Variants in GMDS observed in about 807,000 individuals in gnomAD.
GMDS encodes GDP-mannose 4,6 dehydratase.
A neutral mutation model predicts 49.9 loss-of-function variants in GMDS; 20 were observed. That is an observed-to-expected ratio of 0.40 (90% CI 0.28 to 0.58). GMDS has a LOEUF of 0.58. Among genes scored for constraint, GMDS ranks in the 20% least tolerant of loss-of-function variants. GMDS has a pLI of 0.42. For missense variants in GMDS, 362 were observed against 481.4 expected, an observed-to-expected ratio of 0.75 and a Z score of 2.32; for synonymous variants, 177 against 178.6, an observed-to-expected ratio of 0.99 and a Z score of 0.07.
intron 1 of GMDS, among the ~76,000 whole-genome samples, chr6:2,162,863 G>A (rs182980439): frequency 6.6e-6 from 1 of 152,220 alleles, no homozygotes; most frequent in East Asian, 1.9e-4. Context: ...GTTCCCTCCT[G>A]CTCTCCAAGC....
intron 1 of GMDS, among the ~76,000 whole-genome samples, chr6:2,180,833 G>A (rs1385760422): frequency 6.6e-5 from 10 of 152,044 alleles, no homozygotes; most frequent in Non-Finnish European, 7.4e-5. Flanking sequence ...ACTTCATTAG[G>A]TATTTCCTCT....
In GMDS at chr6:1,742,540, A is replaced by G. The variant is rs1213384777; in HGVS notation, c.818T>C (p.Ile273Thr). 3.1e-6 allele frequency: 5 copies of G among 1,612,254 alleles called. No individual in the cohort carries two copies. Among genetic ancestry groups the G allele is most frequent in the Non-Finnish European group, 4.2e-6 (5 of 1,178,304 alleles). Reference protein sequence around the residue: ...LQNDEPEDFVIATGEVHSVRE... With the variant: ...LQNDEPEDFVTATGEVHSVRE... Reference sequence around the variant, plus strand: ...GACACTATGGACCTCCCCAGTAGCTATAACGAAGTCCTCCGGCTCATCATT... The same window carrying G: ...GACACTATGGACCTCCCCAGTAGCTGTAACGAAGTCCTCCGGCTCATCATT... Residue 273 changes from isoleucine (I) to threonine (T), a missense_variant, in exon 8 of 11, where the codon ATA becomes ACA. Coordinates refer to ENST00000380815, the MANE Select transcript of GMDS (RefSeq NM_001500.4).
intron 1 of GMDS, among the ~76,000 whole-genome samples, chr6:2,172,261 GATAAAA>G (rs1390334798): frequency 1.3e-5 from 2 of 151,930 alleles, no homozygotes; most frequent in Non-Finnish European, 2.9e-5. Context: ...ATCTCAAGAA[GATAAAA>G]ATAAAAGGAG....
chr6:2,223,927 G>A (rs1780707727), intron 1 of GMDS, among the ~76,000 whole-genome samples: 1 of 152,148 alleles, frequency 6.6e-6, no homozygotes, highest in Admixed American at 6.5e-5. Context: ...AGAGAGTCAG[G>A]AATGGTATGT....
intron 7 of GMDS, among the ~76,000 whole-genome samples, chr6:1,904,439 T>G (rs1561877487): frequency 6.6e-6 from 1 of 152,148 alleles, no homozygotes. Flanking sequence ...CAACAACTGA[T>G]AGTCCATTAA....
intron 7 of GMDS, among the ~76,000 whole-genome samples, chr6:1,893,866 T>G (rs574283872): frequency 4.6e-5 from 7 of 152,326 alleles, no homozygotes; most frequent in East Asian, 1.9e-4. Context: ...GCCATGAACC[T>G]TTTTACAAAA....
chr6:2,179,874 T>A (rs933776453), intron 1 of GMDS, among the ~76,000 whole-genome samples: 4 of 150,596 alleles, frequency 2.7e-5, no homozygotes, highest in Admixed American at 6.8e-5. Flanking sequence ...CATACAAATA[T>A]CCTGAAACAC....
intron 4 of GMDS, among the ~76,000 whole-genome samples, chr6:1,975,653 C>T (rs182547981): frequency 5.8e-4 from 88 of 152,284 alleles, no homozygotes; most frequent in Non-Finnish European, 1.0e-3. Context: ...TAGAAAGTCA[C>T]ATTAGGAATA....
At chr6:2,189,852 T>C (rs1015183960) in intron 1 of GMDS, among the ~76,000 whole-genome samples, 3 of 152,242 alleles carry the variant, frequency 2.0e-5, no homozygotes, top group African/African-American at 7.2e-5. Flanking sequence ...AGATCAATTC[T>C]GCTCAAACTT....
chr6:1,985,416 A>C (rs978377027), intron 4 of GMDS, among the ~76,000 whole-genome samples: 1 of 152,192 alleles, frequency 6.6e-6, no homozygotes, highest in Non-Finnish European at 1.5e-5. Flanking sequence ...TAATGTCAAG[A>C]AAGAACCAAT....
intron 9 of GMDS, among the ~76,000 whole-genome samples, chr6:1,670,370 GTT>G (rs371549673): frequency 1.9e-4 from 27 of 143,278 alleles, no homozygotes; most frequent in Admixed American, 1.1e-3. Context: ...GTTTTTTTTG[GTT>G]TTTTTTTTTT....
At chr6:1,829,595 T>C (rs1771264743) in intron 7 of GMDS, among the ~76,000 whole-genome samples, 1 of 152,202 alleles carries the variant, frequency 6.6e-6, no homozygotes, top group South Asian at 2.1e-4. Flanking sequence ...CACGCCACCA[T>C]GGCTGGCTAA....
chr6:1,781,860 T>TTC (rs1396050048), intron 7 of GMDS, among the ~76,000 whole-genome samples: 5 of 151,982 alleles, frequency 3.3e-5, no homozygotes, highest in African/African-American at 4.8e-5. Context: ...AACCAACTTT[T>TTC]TTTTTTTTTT....
intron 1 of GMDS, among the ~76,000 whole-genome samples, chr6:2,230,178 G>A (rs989480090): frequency 6.6e-6 from 1 of 152,100 alleles, no homozygotes; most frequent in Admixed American, 6.5e-5. Context: ...AAATCCAAAC[G>A]TTAAGCATTA....
intron 7 of GMDS, among the ~76,000 whole-genome samples, chr6:1,885,946 C>T (rs939610191): frequency 1.3e-5 from 2 of 152,194 alleles, no homozygotes; most frequent in Non-Finnish European, 2.9e-5. Flanking sequence ...GCTCTGATTA[C>T]TGCTGTCTGT....
At chr6:2,012,201 G>A (rs1046272177) in intron 4 of GMDS, among the ~76,000 whole-genome samples, 7 of 151,802 alleles carry the variant, frequency 4.6e-5, no homozygotes, top group African/African-American at 1.5e-4. Flanking sequence ...CCCAGATTTC[G>A]CCACCACACA....
chr6:2,104,624 A>T (rs962508091), intron 4 of GMDS, among the ~76,000 whole-genome samples: 2 of 152,320 alleles, frequency 1.3e-5, no homozygotes, highest in African/African-American at 2.4e-5. Flanking sequence ...GCTTATTGGA[A>T]ATTTCCATTT....
intron 7 of GMDS, among the ~76,000 whole-genome samples, chr6:1,905,858 T>C (rs1325592995): frequency 4.0e-5 from 3 of 75,748 alleles, no homozygotes; most frequent in Admixed American, 2.2e-4. Flanking sequence ...GGCCAGCACA[T>C]AGCTGTGGGT....
intron 1 of GMDS, among the ~76,000 whole-genome samples, chr6:2,194,412 T>C (rs1014390898): frequency 1.5e-4 from 23 of 152,246 alleles, no homozygotes; most frequent in African/African-American, 5.1e-4. Context: ...CGATTCCTCA[T>C]GGAATATATT....
Sources: allele counts gnomAD v4.1 joint callset (sites outside exome capture counted in the v4.1 genomes callset), GRCh38; gene constraint gnomAD v4.1.1; transcripts MANE v1.5; gene names NCBI Gene and HGNC (gene_info 2026-07-23, HGNC 2026-07-21).